Variants in PPARGC1A observed in about 807,000 individuals in gnomAD.
The protein encoded by PPARGC1A is peroxisome proliferator-activated receptor gamma coactivator 1-alpha.
PPARGC1A carries 25 observed loss-of-function variants against 88.7 expected under a neutral mutation model. That is an observed-to-expected ratio of 0.28 (90% CI 0.21 to 0.39). The LOEUF is 0.39. PPARGC1A is among the 10% of genes least tolerant of loss of function. The pLI is 1.00. For missense variants in PPARGC1A, 880 were observed against 968.7 expected, an observed-to-expected ratio of 0.91 and a Z score of 1.22; for synonymous variants, 363 against 355.6, an observed-to-expected ratio of 1.02 and a Z score of -0.24.
the PPARGC1A span, among the ~76,000 whole-genome samples, chr4:24,052,752 C>T: frequency 2.0e-5 from 3 of 149,974 alleles, no homozygotes; most frequent in Admixed American, 6.7e-5. Flanking sequence ...TTCTCCCTGT[C>T]TTCTTTAAAT....
the PPARGC1A span, among the ~76,000 whole-genome samples, chr4:23,922,614 G>A: frequency 3.9e-4 from 59 of 152,246 alleles, 1 homozygote; most frequent in East Asian, 8.9e-3. Flanking sequence ...GGTCTGAGGC[G>A]GAGGTTTCTG....
the PPARGC1A span, among the ~76,000 whole-genome samples, chr4:24,224,405 G>A: frequency 2.6e-5 from 4 of 152,176 alleles, no homozygotes; most frequent in Non-Finnish European, 4.4e-5. Context: ...AAGACAGAGT[G>A]CATAGAACAT....
At chr4:24,453,792 A>G in the PPARGC1A span, among the ~76,000 whole-genome samples, 1 of 151,604 alleles carries the variant, frequency 6.6e-6, no homozygotes, top group Non-Finnish European at 1.5e-5. Context: ...AAAAAAAAAA[A>G]GTGGTCGCTA....
chr4:23,931,460 T>C, the PPARGC1A span, among the ~76,000 whole-genome samples: 14 of 152,088 alleles, frequency 9.2e-5, no homozygotes, highest in African/African-American at 3.1e-4. Context: ...CAGCATACTT[T>C]AGATTTTTAA....
chr4:24,261,819 C>G, the PPARGC1A span, among the ~76,000 whole-genome samples: 1 of 152,082 alleles, frequency 6.6e-6, no homozygotes, highest in African/African-American at 2.4e-5. Flanking sequence ...TCCACCTCCC[C>G]ACCTCCAACA....
chr4:23,847,228 T>A (rs796302302), intron 2 of PPARGC1A, among the ~76,000 whole-genome samples: 4 of 152,296 alleles, frequency 2.6e-5, no homozygotes, highest in African/African-American at 9.6e-5. Context: ...ATGTGTAGGC[T>A]GAAGGAGAAG....
chr4:23,838,927 A>G (rs1726539546), intron 2 of PPARGC1A, among the ~76,000 whole-genome samples: 1 of 152,198 alleles, frequency 6.6e-6, no homozygotes, highest in African/African-American at 2.4e-5. Flanking sequence ...TATAATCTGT[A>G]CATACATTGC....
At chr4:23,910,341 T>TTA in the PPARGC1A span, among the ~76,000 whole-genome samples, 140 of 60,592 alleles carry the variant, frequency 2.3e-3, 2 homozygotes, top group East Asian at 0.066. Context: ...ATTATATATA[T>TTA]TATATATTAT....
chr4:24,023,360 G>C, the PPARGC1A span, among the ~76,000 whole-genome samples: 1 of 152,112 alleles, frequency 6.6e-6, no homozygotes, highest in African/African-American at 2.4e-5. Context: ...TGAAGCCTAA[G>C]TTAACAGAAA....
the PPARGC1A span, among the ~76,000 whole-genome samples, chr4:24,279,480 AC>A: frequency 2.6e-5 from 4 of 152,308 alleles, no homozygotes; most frequent in East Asian, 7.7e-4. Context: ...GGAGAAGAAA[AC>A]AAGATCCTTC....
chr4:24,280,282 A>G, the PPARGC1A span, among the ~76,000 whole-genome samples: 1 of 152,244 alleles, frequency 6.6e-6, no homozygotes, highest in Non-Finnish European at 1.5e-5. Flanking sequence ...TACCTGCTGA[A>G]GTCACAGCTG....
chr4:24,361,524 T>A, the PPARGC1A span, among the ~76,000 whole-genome samples: 1 of 152,206 alleles, frequency 6.6e-6, no homozygotes, highest in Non-Finnish European at 1.5e-5. Context: ...TCTCTCTCTC[T>A]CCAGCCACAT....
At chr4:24,147,184 G>A in the PPARGC1A span, among the ~76,000 whole-genome samples, 4,495 of 152,266 alleles carry the variant, frequency 0.03, 106 homozygotes, top group Non-Finnish European at 0.046. Flanking sequence ...GGGCAAGAGA[G>A]GTAAAGAAAT....
chr4:24,208,539 C>G, the PPARGC1A span, among the ~76,000 whole-genome samples: 1 of 151,840 alleles, frequency 6.6e-6, no homozygotes, highest in Non-Finnish European at 1.5e-5. Flanking sequence ...AAAATACACA[C>G]GTTTACTGAC....
the PPARGC1A span, among the ~76,000 whole-genome samples, chr4:24,461,396 A>G: frequency 6.6e-6 from 1 of 152,212 alleles, no homozygotes; most frequent in South Asian, 2.1e-4. Flanking sequence ...TAGGCACATT[A>G]TTTTTCCTTC....
At chr4:24,332,975 C>T in the PPARGC1A span, among the ~76,000 whole-genome samples, 3 of 152,226 alleles carry the variant, frequency 2.0e-5, no homozygotes, top group African/African-American at 7.2e-5. Context: ...GGCGTTGTGG[C>T]TCACACCTGT....
chr4:23,966,011 C>T, the PPARGC1A span, among the ~76,000 whole-genome samples: 4 of 146,362 alleles, frequency 2.7e-5, no homozygotes, highest in African/African-American at 1.0e-4. Flanking sequence ...GAGGAAATTA[C>T]CCACCATTTG....
chr4:24,402,252 C>T, the PPARGC1A span, among the ~76,000 whole-genome samples: 4 of 152,256 alleles, frequency 2.6e-5, no homozygotes, highest in South Asian at 8.3e-4. Context: ...GAGAGATACT[C>T]CTCAGGGTTC....
the PPARGC1A span, among the ~76,000 whole-genome samples, chr4:24,169,494 C>A: frequency 1.3e-5 from 2 of 151,982 alleles, no homozygotes; most frequent in African/African-American, 2.4e-5. Context: ...TGGGGCAGGG[C>A]AGGTGGGAAC....
Sources: gnomAD v4.1 joint callset for allele counts (sites outside exome capture counted in the v4.1 genomes callset) on GRCh38, gnomAD v4.1.1 for gene constraint, MANE v1.5 for transcripts, NCBI Gene and HGNC (gene_info 2026-07-23, HGNC 2026-07-21) for gene names.